DIAPH2: variants seen among roughly 807,000 people sequenced by gnomAD.
The protein encoded by DIAPH2 is diaphanous related formin 2, also known as protein diaphanous homolog 2.
DIAPH2 carries 35 observed loss-of-function variants against 92.7 expected under a neutral mutation model. The ratio of observed to expected loss-of-function variants is 0.38; its 90% CI spans 0.29 to 0.50. The LOEUF (loss-of-function observed/expected upper bound fraction) is 0.50. DIAPH2 is among the 20% of genes least tolerant of loss of function. DIAPH2 has a pLI of 0.94. For missense variants in DIAPH2, 701 were observed against 819.5 expected (o/e 0.86, Z 1.77); for synonymous variants, 301 against 280.4 (o/e 1.07, Z -0.73).
At chrX:97,196,037 T>A (rs1466979411) in intron 22 of DIAPH2, among the ~76,000 whole-genome samples, 2 of 111,825 alleles carry the variant, frequency 1.8e-5, no homozygotes, top group East Asian at 2.8e-4. Flanking sequence ...ATGACTAAAA[T>A]CATAACTGTA....
At chrX:97,333,399 G>T (rs1191993546) in intron 23 of DIAPH2, among the ~76,000 whole-genome samples, 8 of 111,203 alleles carry the variant, frequency 7.2e-5, no homozygotes, top group African/African-American at 2.6e-4. Context: ...CCCCAAAATA[G>T]TGCTCCCTTA....
intron 23 of DIAPH2, among the ~76,000 whole-genome samples, chrX:97,251,990 G>A (rs2068192582): frequency 1.8e-5 from 2 of 111,591 alleles, no homozygotes; most frequent in Admixed American, 1.9e-4. Flanking sequence ...TTTTAAAAAA[G>A]TCAAAGCATC....
intron 17 of DIAPH2, among the ~76,000 whole-genome samples, chrX:96,984,380 T>C (rs1376426694): frequency 9.0e-6 from 1 of 110,696 alleles, no homozygotes; most frequent in East Asian, 2.8e-4. Flanking sequence ...TTGGGAAATT[T>C]GCTATGTAGG....
At chrX:97,511,624 A>G (rs1362211911) in intron 26 of DIAPH2, among the ~76,000 whole-genome samples, 2 of 110,039 alleles carry the variant, frequency 1.8e-5, no homozygotes, top group Non-Finnish European at 1.9e-5. Flanking sequence ...TTGCCCATTT[A>G]GTATGATATT....
chrX:97,123,259 G>C (rs746334320), intron 21 of DIAPH2, among the ~76,000 whole-genome samples: 1 of 111,987 alleles, frequency 8.9e-6, no homozygotes, highest in African/African-American at 3.2e-5. Flanking sequence ...AGTTTCTTGA[G>C]CTTAAAGATG....
chrX:96,882,742 A>G (rs901901663), intron 5 of DIAPH2, among the ~76,000 whole-genome samples: 2 of 109,823 alleles, frequency 1.8e-5, no homozygotes, highest in South Asian at 4.0e-4. Context: ...GGATCGCTTG[A>G]GTCCAGGAGT....
chrX:96,908,835 G>A (rs1003735485), intron 5 of DIAPH2, among the ~76,000 whole-genome samples: 3 of 111,589 alleles, frequency 2.7e-5, no homozygotes, highest in African/African-American at 9.8e-5. Flanking sequence ...TCCTGACCTC[G>A]TGATCCGCCC....
At chrX:97,488,920 TG>T (rs2070706958) in intron 26 of DIAPH2, among the ~76,000 whole-genome samples, 1 of 112,135 alleles carries the variant, frequency 8.9e-6, no homozygotes, top group South Asian at 3.7e-4. Context: ...AAGATTTCTT[TG>T]GCTATTCATG....
chrX:96,696,277 C>T (rs1190992696), intron 1 of DIAPH2, among the ~76,000 whole-genome samples: 4 of 111,532 alleles, frequency 3.6e-5, no homozygotes, highest in African/African-American at 9.8e-5. Flanking sequence ...AAAAAAAGAT[C>T]CTGTAGAGAT....
chrX:97,375,391 G>C (rs754212736), intron 24 of DIAPH2, among the ~76,000 whole-genome samples: 8 of 111,141 alleles, frequency 7.2e-5, no homozygotes, highest in Non-Finnish European at 1.9e-5. Flanking sequence ...GGGAGGCGGA[G>C]GTTGCAGTGA....
intron 26 of DIAPH2, among the ~76,000 whole-genome samples, chrX:97,441,864 A>T (rs1376927209): frequency 8.8e-6 from 1 of 113,357 alleles, no homozygotes; most frequent in African/African-American, 3.2e-5. Context: ...GACAGACATC[A>T]CATGTATTGG....
At position 97,506,630 on chromosome X, in the gene DIAPH2, A is replaced by G. The variant is rs781467773; in HGVS notation, c.3241+76885A>G. ...AAGTCATTAGAACCTTCTTCCACCT[A>G]CAACTCATTTGAACTGTTTTTCATT... On this transcript the variant is annotated intron_variant, in intron 26 of 26. Transcript: ENST00000324765. Among the ~76,000 whole-genome samples the G allele has an allele frequency of 1.1e-4, 12 of 110,496 alleles. No homozygotes were observed. In the East Asian group the frequency reaches 3.1e-3, roughly 29 times the overall value.
At chrX:97,025,479 G>A (rs1342961260) in intron 17 of DIAPH2, among the ~76,000 whole-genome samples, 1 of 108,895 alleles carries the variant, frequency 9.2e-6, no homozygotes, top group Admixed American at 9.8e-5. Flanking sequence ...GTGAAACCCC[G>A]TATCTACTAA....
chrX:97,383,333 C>T (rs5921805), intron 24 of DIAPH2, among the ~76,000 whole-genome samples: 3,061 of 110,821 alleles, frequency 0.028, 35 homozygotes, highest in Middle Eastern at 0.042. Context: ...CCATCATAGA[C>T]TAAAATTCCT....
At chrX:96,793,318 G>A (rs1422522444) in intron 4 of DIAPH2, among the ~76,000 whole-genome samples, 5 of 111,496 alleles carry the variant, frequency 4.5e-5, no homozygotes, top group African/African-American at 1.6e-4. Context: ...ACGGGCATGC[G>A]CCACCACACC....
intron 23 of DIAPH2, among the ~76,000 whole-genome samples, chrX:97,278,907 A>G (rs1378931073): frequency 8.9e-6 from 1 of 112,328 alleles, no homozygotes; most frequent in Admixed American, 9.5e-5. Flanking sequence ...CCTGAAGGAC[A>G]TGTCTGTGGT....
At chrX:97,228,731 A>T (rs2067985223) in intron 22 of DIAPH2, among the ~76,000 whole-genome samples, 1 of 112,036 alleles carries the variant, frequency 8.9e-6, no homozygotes, top group African/African-American at 3.2e-5. Context: ...TGACACTAGT[A>T]ACAATTTGTA....
chrX:96,728,045 A>G (rs1002854279), intron 1 of DIAPH2, among the ~76,000 whole-genome samples: 7 of 47,896 alleles, frequency 1.5e-4, no homozygotes, highest in African/African-American at 8.4e-4. Flanking sequence ...CTCCGTCTCA[A>G]AAAAAAAAAA....
chrX:97,148,337 A>AT (rs2067261023), intron 22 of DIAPH2, among the ~76,000 whole-genome samples: 1 of 112,138 alleles, frequency 8.9e-6, no homozygotes, highest in African/African-American at 3.2e-5. Flanking sequence ...TAAAAAACTT[A>AT]CTGGAAGTAT....
Sources: allele counts gnomAD v4.1 joint callset (sites outside exome capture counted in the v4.1 genomes callset), GRCh38; gene constraint gnomAD v4.1.1; transcripts MANE v1.5; gene names NCBI Gene and HGNC (gene_info 2026-07-23, HGNC 2026-07-21).